Variants in SGPP1 observed in about 807,000 individuals in gnomAD.
SGPP1 encodes hSPP1.
In SGPP1, 21 loss-of-function variants were observed where a neutral mutation model predicts 33.0. The ratio of observed to expected loss-of-function variants is 0.64; its 90% CI spans 0.45 to 0.92. The LOEUF (loss-of-function observed/expected upper bound fraction) is 0.92. Among genes scored for constraint, SGPP1 ranks in the 40% least tolerant of loss-of-function variants. The pLI is 0.00. For synonymous variants in SGPP1, 239 were observed against 241.2 expected, an observed-to-expected ratio of 0.99 and a Z score of 0.08; for missense variants, 543 against 589.4, an observed-to-expected ratio of 0.92 and a Z score of 0.81.
intron 1 of SGPP1, among the ~76,000 whole-genome samples, chr14:63,708,601 T>A (rs1308561592): frequency 2.6e-5 from 4 of 152,134 alleles, no homozygotes; most frequent in Non-Finnish European, 5.9e-5. Context: ...TTGGCTAGAC[T>A]TTTTTAAGCC....
At chr14:63,708,335 A>G (rs1885456961) in intron 1 of SGPP1, among the ~76,000 whole-genome samples, 1 of 140,804 alleles carries the variant, frequency 7.1e-6, no homozygotes, top group Admixed American at 7.6e-5. Flanking sequence ...GGTTTACTGC[A>G]ACCTCCGCCT....
At chr14:63,719,421 G>A (rs1410908368) in intron 1 of SGPP1, among the ~76,000 whole-genome samples, 1 of 151,878 alleles carries the variant, frequency 6.6e-6, no homozygotes, top group Non-Finnish European at 1.5e-5. Flanking sequence ...TACATTTCCA[G>A]GATGAATGTA....
chr14:63,713,884 G>A (rs540514994), intron 1 of SGPP1, among the ~76,000 whole-genome samples: 2 of 152,312 alleles, frequency 1.3e-5, no homozygotes, highest in South Asian at 4.1e-4. Flanking sequence ...CATGTTTCCA[G>A]AGGAGATTAG....
chr14:63,710,739 T>C (rs1406160904), intron 1 of SGPP1, among the ~76,000 whole-genome samples: 1 of 152,236 alleles, frequency 6.6e-6, no homozygotes, highest in East Asian at 1.9e-4. Flanking sequence ...ACTCTGTACC[T>C]GTTCTCAAAT....
intron 2 of SGPP1, among the ~76,000 whole-genome samples, chr14:63,686,944 T>C (rs1884993128): frequency 6.6e-6 from 1 of 152,240 alleles, no homozygotes; most frequent in Non-Finnish European, 1.5e-5. Context: ...TAAAATTGTG[T>C]AGTTTTGATT....
At chr14:63,702,084 C>G (rs989709143) in intron 1 of SGPP1, among the ~76,000 whole-genome samples, 1 of 151,988 alleles carries the variant, frequency 6.6e-6, no homozygotes, top group Non-Finnish European at 1.5e-5. Context: ...AAAAAATCAC[C>G]TATAGAGTCT....
At chr14:63,700,928 T>C (rs943145139) in intron 1 of SGPP1, among the ~76,000 whole-genome samples, 1 of 152,230 alleles carries the variant, frequency 6.6e-6, no homozygotes, top group African/African-American at 2.4e-5. Flanking sequence ...GCCTAGGTCC[T>C]TGAGGGTCAA....
In SGPP1 at chr14:63,685,971, T is replaced by C. The variant is rs1011036637; in HGVS notation, c.*134A>G. On this transcript the variant is annotated 3_prime_UTR_variant, in exon 3 of 3. Coordinates refer to ENST00000247225, the MANE Select transcript of SGPP1 (RefSeq NM_030791.4). Reference sequence around the variant, plus strand: ...GTGCAATGATAAAATGCACTGACTCTTATGAATTTACTTAAATAATTATTT... The same window carrying C: ...GTGCAATGATAAAATGCACTGACTCCTATGAATTTACTTAAATAATTATTT... The C allele has an allele frequency of 5.2e-6, 3 of 572,368 alleles. No homozygotes were observed. In the African/African-American group the frequency reaches 5.7e-5, roughly 11 times the overall value. The allele number at this position is 572,368 out of a possible 1,614,324, so 35.5% of individuals were successfully genotyped here.
chr14:63,691,655 T>C (rs976817024), intron 2 of SGPP1, among the ~76,000 whole-genome samples: 8 of 152,186 alleles, frequency 5.3e-5, no homozygotes, highest in African/African-American at 1.7e-4. Flanking sequence ...ATAAAAATAC[T>C]GATGCCTGGG....
At chr14:63,726,693 A>G (rs1885887876) in intron 1 of SGPP1, among the ~76,000 whole-genome samples, 2 of 152,172 alleles carry the variant, frequency 1.3e-5, no homozygotes, top group South Asian at 4.1e-4. Flanking sequence ...ACCCCTTAAA[A>G]ACAGAACTCA....
At position 63,727,559 on chromosome 14, in the gene SGPP1, T is replaced by A. The variant is rs544718592; in HGVS notation, c.386A>T (p.Tyr129Phe). 6.2e-7 allele frequency: 1 copy of A among 1,608,296 alleles called. No individual in the cohort carries two copies. The highest frequency in any genetic ancestry group is 1.1e-5 in the South Asian group (1 of 90,594). Residue 129 changes from tyrosine to phenylalanine, a missense_variant, in exon 1 of 3, where the codon TAC (tyrosine) becomes TTC (phenylalanine). Transcript: ENST00000247225. ...CTCCGTGCCGAAGCAGAACAGGCAGTAGAGCGGCCAGTTGCTCACGCGGGC... is the reference window on the plus strand; with the variant it reads ...CTCCGTGCCGAAGCAGAACAGGCAGAAGAGCGGCCAGTTGCTCACGCGGGC... ...QLARVSNWPL[Y>F]CLFCFGTELG...
intron 2 of SGPP1, among the ~76,000 whole-genome samples, chr14:63,692,594 C>G (rs113208383): frequency 6.6e-6 from 1 of 151,978 alleles, no homozygotes; most frequent in South Asian, 2.1e-4. Context: ...GGACTACAGG[C>G]GCAAGCCACC....
rs1226674661 is a variant in SGPP1 at position 63,686,659 on chromosome 14, AG to A, written c.775-4del. On this transcript the variant is annotated splice_region_variant and splice_polypyrimidine_tract_variant and intron_variant, in intron 2 of 2. Transcript: ENST00000247225. ...TATAGGAATCCAGCAATAATATCCT[AG>A]GAAAAGATAAAAGTATCGTTGTTTA... 1 of 1,580,768 alleles carries A rather than the reference AG, an allele frequency of 6.3e-7. No individual in the cohort carries two copies. The highest frequency in any genetic ancestry group is 1.4e-5 in the African/African-American group (1 of 73,906).
At chr14:63,714,451 C>T (rs989457152) in intron 1 of SGPP1, among the ~76,000 whole-genome samples, 1 of 152,064 alleles carries the variant, frequency 6.6e-6, no homozygotes, top group Non-Finnish European at 1.5e-5. Flanking sequence ...AATGGAGTCT[C>T]GTTCTATCTC....
At chr14:63,704,852 G>A (rs146043909) in intron 1 of SGPP1, among the ~76,000 whole-genome samples, 1 of 152,352 alleles carries the variant, frequency 6.6e-6, no homozygotes, top group African/African-American at 2.4e-5. Flanking sequence ...TTGGCCGGGT[G>A]TGGCGGCTCA....
At chr14:63,723,769 A>G (rs1456987819) in intron 1 of SGPP1, among the ~76,000 whole-genome samples, 1 of 152,190 alleles carries the variant, frequency 6.6e-6, no homozygotes, top group Admixed American at 6.5e-5. Flanking sequence ...TGAGACAGCA[A>G]TCTTGAAGAA....
intron 1 of SGPP1, among the ~76,000 whole-genome samples, chr14:63,718,992 A>T (rs1292941822): frequency 1.2e-4 from 2 of 16,596 alleles, no homozygotes; most frequent in Non-Finnish European, 2.3e-4. Flanking sequence ...ATATATATAT[A>T]TATATATATA....
intron 1 of SGPP1, among the ~76,000 whole-genome samples, chr14:63,715,292 G>C (rs1056877953): frequency 6.6e-6 from 1 of 152,108 alleles, no homozygotes; most frequent in African/African-American, 2.4e-5. Context: ...TGGGATTACA[G>C]GCATAATCCA....
chr14:63,706,176 C>CTGG (rs1373182123), intron 1 of SGPP1, among the ~76,000 whole-genome samples: 93 of 152,260 alleles, frequency 6.1e-4, no homozygotes, highest in Non-Finnish European at 4.4e-5. Context: ...AAGCCAGACA[C>CTGG]CCAAGGTCAC....
Sources: gnomAD v4.1 joint callset for allele counts (sites outside exome capture counted in the v4.1 genomes callset) on GRCh38, gnomAD v4.1.1 for gene constraint, MANE v1.5 for transcripts, NCBI Gene and HGNC (gene_info 2026-07-23, HGNC 2026-07-21) for gene names.